The following IL1RL1 variants were observed in gnomAD, a reference collection of about 807,000 sequenced individuals.
IL1RL1 encodes interleukin-1 receptor-like 1.
Under a neutral mutation model 50.9 loss-of-function variants are expected in IL1RL1, and 32 were observed. The ratio of observed to expected loss-of-function variants is 0.63; its 90% CI spans 0.47 to 0.84. The LOEUF is 0.84. IL1RL1 is among the 40% of genes least tolerant of loss of function. IL1RL1 has a pLI of 0.00. For synonymous variants in IL1RL1, 275 were observed against 236.0 expected (o/e 1.17, Z -1.51); for missense variants, 773 against 662.9 (o/e 1.17, Z -1.82).
At chr2:102,316,154 T>C (rs1676668675) in intron 1 of IL1RL1, among the ~76,000 whole-genome samples, 1 of 152,194 alleles carries the variant, frequency 6.6e-6, no homozygotes, top group Non-Finnish European at 1.5e-5. Context: ...AAGGATTTGA[T>C]TGTCTTTGGC....
At chr2:102,345,108 C>T (rs1677734198) in intron 8 of IL1RL1, 12 of 864,152 alleles carry the variant, frequency 1.4e-5, no homozygotes, top group Non-Finnish European at 1.5e-5. Flanking sequence ...ATGTTTTCTA[C>T]AGAGTTTTCA....
At chr2:102,349,462 G>T (rs1677873937) in intron 10 of IL1RL1, among the ~76,000 whole-genome samples, 1 of 152,120 alleles carries the variant, frequency 6.6e-6, no homozygotes, top group South Asian at 2.1e-4. Context: ...AATGTTGGTG[G>T]TGTGAATTCA....
chr2:102,345,977 A>G, intron 8 of IL1RL1: 1 of 985,356 alleles, frequency 1.0e-6, no homozygotes, highest in Non-Finnish European at 1.2e-6. Context: ...TCTTCGTGTT[A>G]CAGGTGTTTA....
intron 8 of IL1RL1, chr2:102,344,274 G>A (rs776232877): frequency 3.9e-5 from 10 of 259,112 alleles, no homozygotes; most frequent in Non-Finnish European, 4.2e-5. Context: ...CTCCCACCAG[G>A]CTCCACCTCG....
chr2:102,341,900 A>G (rs1267529026), intron 5 of IL1RL1, among the ~76,000 whole-genome samples: 2 of 152,194 alleles, frequency 1.3e-5, no homozygotes, highest in Non-Finnish European at 2.9e-5. Flanking sequence ...CTTATTCTGT[A>G]GAAGAGTAGT....
At chr2:102,345,054 G>C in intron 8 of IL1RL1, 1 of 939,618 alleles carries the variant, frequency 1.1e-6, no homozygotes, top group Non-Finnish European at 1.3e-6. Context: ...AGCCAAAGCA[G>C]GGTGGAGAGA....
chr2:102,327,647 A>G (rs903267304), intron 1 of IL1RL1, among the ~76,000 whole-genome samples: 1 of 152,206 alleles, frequency 6.6e-6, no homozygotes, highest in Non-Finnish European at 1.5e-5. Context: ...AATCAAATAG[A>G]CGCAATAAAA....
At chr2:102,312,814 G>A (rs1413164309) in intron 1 of IL1RL1, 1 of 152,028 alleles carries the variant, frequency 6.6e-6, no homozygotes, top group Non-Finnish European at 1.5e-5. Context: ...TCTCTCTGAA[G>A]GCTACTTCAA....
chr2:102,343,583 C>G (rs969514703), intron 8 of IL1RL1, 168 bp downstream of exon 8: 50 of 1,496,476 alleles, frequency 3.3e-5, no homozygotes, highest in Admixed American at 6.7e-5. Context: ...GTAGACTGTT[C>G]CTGTTTGCTG....
At chr2:102,337,721 G>A (rs1303799789) in intron 1 of IL1RL1, among the ~76,000 whole-genome samples, 2 of 152,092 alleles carry the variant, frequency 1.3e-5, no homozygotes, top group Non-Finnish European at 2.9e-5. Flanking sequence ...ATTTTTGTGA[G>A]CATGCTGCTA....
intron 10 of IL1RL1, 114 bp downstream of exon 10, chr2:102,349,360 A>G (rs1677871275): frequency 2.6e-6 from 2 of 764,308 alleles, no homozygotes; most frequent in African/African-American, 3.5e-5. Context: ...ACAGGCCTTA[A>G]GACCAGAACT....
At chr2:102,346,631 C>T (rs1559607328) in intron 8 of IL1RL1, among the ~76,000 whole-genome samples, 1 of 152,164 alleles carries the variant, frequency 6.6e-6, no homozygotes, top group East Asian at 1.9e-4. Flanking sequence ...AGAGAGTGAC[C>T]TGGAAAGGAA....
At chr2:102,331,403 G>T (rs1468194902) in intron 1 of IL1RL1, among the ~76,000 whole-genome samples, 2 of 152,198 alleles carry the variant, frequency 1.3e-5, no homozygotes, top group Non-Finnish European at 1.5e-5. Context: ...ATTACACAAT[G>T]GTCTAAAATA....
intron 1 of IL1RL1, among the ~76,000 whole-genome samples, chr2:102,314,552 C>T (rs1000760656): frequency 8.5e-4 from 129 of 152,280 alleles, no homozygotes; most frequent in African/African-American, 3.0e-3. Flanking sequence ...CAGATCCTAT[C>T]TAAGACCACT....
chr2:102,327,320 C>A (rs184478398), intron 1 of IL1RL1, among the ~76,000 whole-genome samples: 2,081 of 151,644 alleles, frequency 0.014, 52 homozygotes, highest in African/African-American at 0.048. Context: ...AACAAAGACA[C>A]AACATACCAG....
At chr2:102,328,884 A>G (rs1400692613) in intron 1 of IL1RL1, among the ~76,000 whole-genome samples, 9 of 152,154 alleles carry the variant, frequency 5.9e-5, no homozygotes, top group Non-Finnish European at 1.0e-4. Context: ...AGGTAGGAAG[A>G]CTCAATATCA....
chr2:102,351,746 C>T lies in IL1RL1; in HGVS notation c.1496C>T (p.Ser499Phe). The change falls in exon 11 of 11, where the codon TCC (serine) becomes TTC (phenylalanine). Residue 499 changes from serine to phenylalanine, a missense_variant. By Grantham distance (155) the Ser-to-Phe change is radical. Transcript: ENST00000233954. ...DMLQAEALQD[S>F]LQHLMKVQGT... ...CTGCAGGCTGAGGCGCTTCAGGACT[C>T]CCTCCAGCATCTTATGAAAGTACAG... 1.2e-6 allele frequency: 2 copies of T among 1,613,992 alleles called. No individual in the cohort carries two copies. Among genetic ancestry groups the T allele is most frequent in the South Asian group, 2.2e-5 (2 of 91,080 alleles).
At chr2:102,341,802 C>T (rs991339480) in intron 5 of IL1RL1, among the ~76,000 whole-genome samples, 2 of 152,144 alleles carry the variant, frequency 1.3e-5, no homozygotes, top group African/African-American at 4.8e-5. Context: ...GAGGATGGGC[C>T]ACCCTAGTGG....
At chr2:102,323,292 G>A (rs966027603) in intron 1 of IL1RL1, among the ~76,000 whole-genome samples, 44 of 144,778 alleles carry the variant, frequency 3.0e-4, no homozygotes, top group Middle Eastern at 3.3e-3. Context: ...GTGTGTGTGT[G>A]TGTATATATA....
Sources: allele counts gnomAD v4.1 joint callset (sites outside exome capture counted in the v4.1 genomes callset), GRCh38; gene constraint gnomAD v4.1.1; transcripts MANE v1.5; gene names NCBI Gene and HGNC (gene_info 2026-07-23, HGNC 2026-07-21).